Variants in ANKH observed in about 807,000 individuals in gnomAD.
ANKH encodes mineralization regulator ANKH.
ANKH carries 15 observed loss-of-function variants against 49.0 expected under a neutral mutation model. The ratio of observed to expected loss-of-function variants is 0.31; its 90% CI spans 0.20 to 0.47. ANKH has a LOEUF of 0.47. Ranked by LOEUF, ANKH falls within the 20% of genes least tolerant of loss-of-function variation. ANKH has a pLI of 1.00. For missense variants in ANKH, 429 were observed against 652.0 expected, an observed-to-expected ratio of 0.66 and a Z score of 3.72; for synonymous variants, 273 against 260.0, an observed-to-expected ratio of 1.05 and a Z score of -0.48.
chr5:14,730,704 G>GT (rs1307182484), intron 8 of ANKH, among the ~76,000 whole-genome samples: 1 of 152,216 alleles, frequency 6.6e-6, no homozygotes, highest in African/African-American at 2.4e-5. Flanking sequence ...TGTGCCCAGC[G>GT]TACTTGCCAG....
chr5:14,766,732 T>C (rs546552237), intron 2 of ANKH, among the ~76,000 whole-genome samples: 1 of 152,356 alleles, frequency 6.6e-6, no homozygotes, highest in Non-Finnish European at 1.5e-5. Context: ...GAATTCAGCA[T>C]GTTGAATTTA....
intron 1 of ANKH, among the ~76,000 whole-genome samples, chr5:14,779,885 A>T (rs925706307): frequency 1.3e-5 from 2 of 152,324 alleles, no homozygotes; most frequent in Middle Eastern, 3.4e-3. Flanking sequence ...CAGCAATGGG[A>T]CACATAATTA....
In ANKH at chr5:14,745,466, G is replaced by T. The variant is rs13182007; in HGVS notation, c.915+404C>A. Among the ~76,000 whole-genome samples, 8,604 of 152,152 alleles carry T rather than the reference G, an allele frequency of 0.057. 340 individuals are homozygous for T. Among genetic ancestry groups the T allele is most frequent in the East Asian group, 0.13 (676 of 5,150 alleles). On this transcript the variant is annotated intron_variant, in intron 7 of 11. Coordinates refer to ENST00000284268, the MANE Select transcript of ANKH (RefSeq NM_054027.6). The surrounding 1 kb of genome is among the most constrained non-coding windows in gnomAD (Gnocchi z 4.7). ...ATGTAGGTAGGCCAGCCCACAGAAA[G>T]ACAGCCACGCACGGCTTCCTGCCTA...
In ANKH at chr5:14,713,031, T is replaced by C. The variant is rs2126402546; in HGVS notation, c.1266-58A>G. The C allele has an allele frequency of 6.6e-7, 1 of 1,516,372 alleles. No homozygotes were observed. The highest frequency in any genetic ancestry group is 9.0e-7 in the Non-Finnish European group (1 of 1,107,214). The allele number at this position is 1,516,372 out of a possible 1,614,324, so 93.9% of individuals were successfully genotyped here. A position where few individuals can be genotyped will look rare whatever the true frequency, so the allele number is the denominator to read the frequency against. On this transcript the variant is annotated intron_variant, in intron 10 of 11. Transcript: ENST00000284268. This position sits in a 1 kb window ranked among gnomAD's most constrained non-coding sequence, Gnocchi z 4.4. Reference sequence around the variant, plus strand: ...TTAAGGCCAAGTCAAGGCACAACCGTCGATGCCAAAACCCAGGAAAGTAAG... The same window carrying C: ...TTAAGGCCAAGTCAAGGCACAACCGCCGATGCCAAAACCCAGGAAAGTAAG...
Position 14,866,684 on chromosome 5 carries a change from AC to A in ANKH, c.96+4667del, listed in dbSNP as rs574325239. ...ACAAAGACCAAGTGACTTCTAAATA[AC>A]TTTATTGTGAGGTATCAGTTGTTTC... On this transcript the variant is annotated intron_variant, in intron 1 of 11. Transcript: ENST00000284268. 3.4e-3 allele frequency among the ~76,000 whole-genome samples: 523 copies of A among 151,978 alleles called. 5 individuals are homozygous for A. Among genetic ancestry groups the A allele is most frequent in the African/African-American group, 0.012 (507 of 41,318 alleles).
chr5:14,816,390 GGAT>G (rs1741037765), intron 1 of ANKH, among the ~76,000 whole-genome samples: 1 of 152,040 alleles, frequency 6.6e-6, no homozygotes, highest in Non-Finnish European at 1.5e-5. Flanking sequence ...ATTGTTGTGT[GGAT>G]GATTTTTTTT....
chr5:14,743,524 C>A (rs153928), intron 7 of ANKH, among the ~76,000 whole-genome samples: 46,007 of 152,108 alleles, frequency 0.3, 8,177 homozygotes, highest in African/African-American at 0.5. Flanking sequence ...CATTAGAGAG[C>A]ATCTGCACTA....
Position 14,858,715 on chromosome 5 carries a change from C to CAATA in ANKH, c.96+12633_96+12636dup, listed in dbSNP as rs141592621. Among the ~76,000 whole-genome samples, 827 of 139,848 alleles carry CAATA rather than the reference C, an allele frequency of 5.9e-3. 2 individuals are homozygous for CAATA. The highest frequency in any genetic ancestry group is 8.9e-3 in the Non-Finnish European group (578 of 65,074). 91.7% of individuals were successfully genotyped at this position (139,848 alleles called of 152,430 possible). On this transcript the variant is annotated intron_variant, in intron 1 of 11. Transcript: ENST00000284268. The stretch of plus-strand genomic sequence containing the variant: ...TGGGCAACAGAGTGAGAATCCATCT[C>CAATA]AATAAATAAATAAATAAATAAATAA...
intron 1 of ANKH, among the ~76,000 whole-genome samples, chr5:14,779,700 T>G (rs7704578): frequency 0.14 from 21,924 of 152,214 alleles, 1,909 homozygotes; most frequent in African/African-American, 0.24. Context: ...CATACTTTTT[T>G]GGGTAGAATC....
At position 14,713,572 on chromosome 5, in the gene ANKH, C is replaced by A. The variant is rs112513380; in HGVS notation, c.1237G>T (p.Ala413Ser). Residue 413 changes from alanine to serine, a missense_variant, in exon 10 of 12, where the codon GCC (alanine) becomes TCC (serine). This residue lies in a region of ANKH where 378 missense variants were observed against 615.3 expected (regional missense o/e 0.61). Transcript: ENST00000284268. This position sits in a 1 kb window ranked among gnomAD's most constrained non-coding sequence, Gnocchi z 4.4. ...SSVLRIIVLI[A>S]SLVVLPYLGV... ...AGGTAGGGTAGGACCACGAGGCTGG[C>A]GATGAGGACGATGATCCGCAGCACA... is the stretch of plus-strand genomic sequence containing the variant. 2 of 1,614,186 alleles carry A rather than the reference C, an allele frequency of 1.2e-6. No individual in the cohort carries two copies. Among genetic ancestry groups the A allele is most frequent in the Non-Finnish European group, 1.7e-6 (2 of 1,180,022 alleles).
intron 1 of ANKH, among the ~76,000 whole-genome samples, chr5:14,785,943 G>A (rs1266576059): frequency 6.6e-6 from 1 of 151,464 alleles, no homozygotes; most frequent in Non-Finnish European, 1.5e-5. Context: ...CTACTTGGGA[G>A]GCTGAGGCAG....
chr5:14,834,649 T>C (rs964626972), intron 1 of ANKH, among the ~76,000 whole-genome samples: 2 of 151,944 alleles, frequency 1.3e-5, no homozygotes, highest in Non-Finnish European at 2.9e-5. Context: ...GGTGTGGTGG[T>C]ACACACCTGT....
At chr5:14,735,027 G>C (rs992600226) in intron 8 of ANKH, among the ~76,000 whole-genome samples, 2 of 152,290 alleles carry the variant, frequency 1.3e-5, no homozygotes, top group South Asian at 4.1e-4. Flanking sequence ...ACCTTGTTGA[G>C]GGGCACTGCA....
At chr5:14,786,585 A>G (rs905985553) in intron 1 of ANKH, among the ~76,000 whole-genome samples, 1 of 152,210 alleles carries the variant, frequency 6.6e-6, no homozygotes, top group South Asian at 2.1e-4. Context: ...GACACATCAA[A>G]AGATGCTCTG....
intron 1 of ANKH, among the ~76,000 whole-genome samples, chr5:14,863,788 C>T (rs1735570085): frequency 6.6e-6 from 1 of 152,176 alleles, no homozygotes; most frequent in Non-Finnish European, 1.5e-5. Flanking sequence ...CTCTCTCCTC[C>T]TCCCACCCAA....
At chr5:14,746,377 G>A (rs1376724689) in intron 6 of ANKH, among the ~76,000 whole-genome samples, 1 of 151,326 alleles carries the variant, frequency 6.6e-6, no homozygotes, top group African/African-American at 2.4e-5. Flanking sequence ...CCCGAGCATT[G>A]GGGTCAGAGA....
rs183575944 is a variant in ANKH at position 14,767,573 on chromosome 5, C to T, written c.313+1402G>A. On this transcript the variant is annotated intron_variant, in intron 2 of 11. Transcript: ENST00000284268. ...TATTTTAATGACCACATTTTCTTCC[C>T]GACAATTGCAATAACACGGGATGCT... Among the ~76,000 whole-genome samples the T allele has an allele frequency of 2.3e-3, 352 of 152,094 alleles. 1 individual carries two copies. Among genetic ancestry groups the T allele is most frequent in the Non-Finnish European group, 2.4e-3 (160 of 67,992 alleles).
chr5:14,728,279 C>T lies in ANKH; in HGVS notation c.1012-11444G>A, dbSNP rs375058824. Among the ~76,000 whole-genome samples, 28 of 152,326 alleles carry T rather than the reference C, an allele frequency of 1.8e-4. No homozygotes were observed. In the South Asian group the frequency reaches 5.6e-3, roughly 30 times the overall value. ...GACTGTGTGACTTGCCCCAGGTCAC[C>T]GGCTGGTAAAGAGGCAGGGGCCAGA... On this transcript the variant is annotated intron_variant, in intron 8 of 11. Transcript: ENST00000284268.
intron 6 of ANKH, among the ~76,000 whole-genome samples, chr5:14,747,094 C>T (rs374083230): frequency 5.3e-5 from 8 of 152,172 alleles, no homozygotes; most frequent in African/African-American, 1.2e-4. Flanking sequence ...GCCTCCACTC[C>T]GTCCTTCAGG....
Sources: gnomAD v4.1 joint callset for allele counts (sites outside exome capture counted in the v4.1 genomes callset) on GRCh38, gnomAD v4.1.1 for gene constraint, gnomAD v4.1.1 regional missense constraint, Gnocchi (gnomAD v3.1) non-coding constraint, MANE v1.5 for transcripts, NCBI Gene and HGNC (gene_info 2026-07-23, HGNC 2026-07-21) for gene names.